Variants in TENM1 observed in about 807,000 individuals in gnomAD.
TENM1 encodes teneurin-1.
Under a neutral mutation model 174.8 loss-of-function variants are expected in TENM1, and 35 were observed. That is an observed-to-expected ratio of 0.20 (90% CI 0.15 to 0.27). The LOEUF is 0.27. Ranked by LOEUF, TENM1 falls within the 10% of genes least tolerant of loss-of-function variation. The pLI, the probability that TENM1 is intolerant of heterozygous loss-of-function variation, is 1.00. For synonymous variants in TENM1, 781 were observed against 798.7 expected (o/e 0.98, Z 0.37); for missense variants, 1,633 against 2,130.1 (o/e 0.77, Z 4.59).
At chrX:125,120,473 G>GC in the TENM1 span, among the ~76,000 whole-genome samples, 1 of 108,207 alleles carries the variant, frequency 9.2e-6, no homozygotes, top group Non-Finnish European at 1.9e-5. Flanking sequence ...CCCCCAACCT[G>GC]CCCCCCACAC....
chrX:124,394,521 C>T (rs989146823), intron 27 of TENM1, among the ~76,000 whole-genome samples: 8 of 111,766 alleles, frequency 7.2e-5, no homozygotes, highest in African/African-American at 2.6e-4. Flanking sequence ...TCTGGTCTTC[C>T]TTTGTTCAGA....
the TENM1 span, among the ~76,000 whole-genome samples, chrX:125,118,729 T>C: frequency 1.3e-4 from 14 of 110,198 alleles, no homozygotes; most frequent in Non-Finnish European, 2.3e-4. Context: ...GATACACATC[T>C]ATTAGAACGT....
the TENM1 span, among the ~76,000 whole-genome samples, chrX:125,186,732 G>A: frequency 9.0e-6 from 1 of 111,160 alleles, no homozygotes; most frequent in Non-Finnish European, 1.9e-5. Flanking sequence ...AAAGCCTGCA[G>A]AACTGTGACC....
intron 3 of TENM1, among the ~76,000 whole-genome samples, chrX:124,817,786 T>G (rs2055937476): frequency 1.8e-5 from 2 of 111,457 alleles, no homozygotes; most frequent in African/African-American, 6.5e-5. Flanking sequence ...AAGATAATAT[T>G]AAAGCTTCAA....
chrX:124,941,542 C>T (rs2058326503), intron 1 of TENM1, among the ~76,000 whole-genome samples: 1 of 111,956 alleles, frequency 8.9e-6, no homozygotes, highest in Non-Finnish European at 1.9e-5. Flanking sequence ...AGTTATGTAT[C>T]AACAATATCC....
At chrX:124,589,701 G>A (rs932066062) in intron 11 of TENM1, among the ~76,000 whole-genome samples, 1 of 111,328 alleles carries the variant, frequency 9.0e-6, no homozygotes, top group Admixed American at 9.6e-5. Context: ...GTTTGTGTGA[G>A]TAGAAGTGTT....
chrX:124,989,419 C>T, the TENM1 span, among the ~76,000 whole-genome samples: 1 of 111,143 alleles, frequency 9.0e-6, no homozygotes, highest in African/African-American at 3.3e-5. Context: ...ACACCATGGT[C>T]ATGGATTGGA....
the TENM1 span, among the ~76,000 whole-genome samples, chrX:125,165,273 A>G: frequency 1.8e-5 from 2 of 111,779 alleles, no homozygotes; most frequent in Non-Finnish European, 3.8e-5. Context: ...AAATGTGTAG[A>G]AAGTTGGATT....
intron 11 of TENM1, among the ~76,000 whole-genome samples, chrX:124,585,993 G>C (rs1249647370): frequency 4.5e-5 from 5 of 110,429 alleles, no homozygotes; most frequent in African/African-American, 1.7e-4. Flanking sequence ...CCAGGAAGAA[G>C]GTGACTCTCT....
chrX:124,694,206 A>G (rs1042341391), intron 5 of TENM1, among the ~76,000 whole-genome samples: 1 of 111,548 alleles, frequency 9.0e-6, no homozygotes, highest in Non-Finnish European at 1.9e-5. Flanking sequence ...TTCAGTAGCC[A>G]TTGCTCTCAT....
chrX:124,655,479 C>A (rs1215848067), intron 6 of TENM1, among the ~76,000 whole-genome samples: 1 of 111,520 alleles, frequency 9.0e-6, no homozygotes, highest in Non-Finnish European at 1.9e-5. Context: ...TTTCACATCA[C>A]CTTTATTTTT....
intron 1 of TENM1, among the ~76,000 whole-genome samples, chrX:124,962,442 G>T (rs2058667935): frequency 8.9e-6 from 1 of 111,983 alleles, no homozygotes; most frequent in African/African-American, 3.3e-5. Flanking sequence ...TTTTGCTGTT[G>T]TTGCTAGTCA....
the TENM1 span, among the ~76,000 whole-genome samples, chrX:125,050,974 T>G: frequency 4.5e-5 from 5 of 112,148 alleles, no homozygotes; most frequent in Admixed American, 1.9e-4. Flanking sequence ...AAAATCTCCT[T>G]AAGCTGATAG....
At chrX:124,872,833 C>T in intron 3 of TENM1, among the ~76,000 whole-genome samples, 1 of 111,482 alleles carries the variant, frequency 9.0e-6, no homozygotes. Context: ...AAACATAGTT[C>T]TTTCAAGCAA....
chrX:124,782,083 A>G (rs1193458966), intron 3 of TENM1, among the ~76,000 whole-genome samples: 1 of 111,350 alleles, frequency 9.0e-6, no homozygotes, highest in African/African-American at 3.3e-5. Flanking sequence ...ATGTAGACAA[A>G]CATGGCAACT....
chrX:124,590,210 C>G (rs1207836762), intron 11 of TENM1, among the ~76,000 whole-genome samples: 1 of 111,696 alleles, frequency 9.0e-6, no homozygotes, highest in East Asian at 2.8e-4. Flanking sequence ...TTTGACATAA[C>G]TGTGCAGTTT....
chrX:124,841,938 T>C (rs1258892792), intron 3 of TENM1, among the ~76,000 whole-genome samples: 1 of 112,515 alleles, frequency 8.9e-6, no homozygotes, highest in Non-Finnish European at 1.9e-5. Flanking sequence ...TTTGTGGTTT[T>C]TCAATAGCAA....
intron 11 of TENM1, among the ~76,000 whole-genome samples, chrX:124,575,026 CGTG>C (rs2049135263): frequency 8.9e-6 from 1 of 112,197 alleles, no homozygotes; most frequent in Non-Finnish European, 1.9e-5. Flanking sequence ...GTAGAACACA[CGTG>C]CACACATGCA....
At chrX:124,778,177 C>T (rs1263236424) in intron 3 of TENM1, among the ~76,000 whole-genome samples, 2 of 112,633 alleles carry the variant, frequency 1.8e-5, no homozygotes, top group Non-Finnish European at 3.8e-5. Flanking sequence ...GCAGATAAAA[C>T]GGGGTCCCTG....
Sources: gnomAD v4.1 joint callset for allele counts (sites outside exome capture counted in the v4.1 genomes callset) on GRCh38, gnomAD v4.1.1 for gene constraint, MANE v1.5 for transcripts, NCBI Gene and HGNC (gene_info 2026-07-23, HGNC 2026-07-21) for gene names.